Variants in NSD2 observed in about 807,000 individuals in gnomAD.
NSD2 encodes the protein histone-lysine N-methyltransferase NSD2.
NSD2 carries 12 observed loss-of-function variants against 139.0 expected under a neutral mutation model. That is an observed-to-expected ratio of 0.09 (90% CI 0.06 to 0.14). The LOEUF (loss-of-function observed/expected upper bound fraction) is 0.14. Ranked by LOEUF, NSD2 falls within the 10% of genes least tolerant of loss-of-function variation. The probability of loss-of-function intolerance (pLI) is 1.00; values close to 1 mark genes in which losing one functional copy is unlikely to be tolerated. For synonymous variants in NSD2, 669 were observed against 648.7 expected (o/e 1.03, Z -0.48); for missense variants, 1,155 against 1,745.0 (o/e 0.66, Z 6.02).
chr4:1,940,121 G>T, intron 9 of NSD2: 2 of 1,153,812 alleles, frequency 1.7e-6, no homozygotes, highest in Non-Finnish European at 2.1e-6. Context: ...AAGTAAGTCT[G>T]CGTTGGTTCT....
In NSD2 at chr4:1,979,896, A is replaced by C. The variant is rs1367650453; in HGVS notation, c.*987A>C. 4.3e-6 allele frequency: 1 copy of C among 232,672 alleles called. No homozygotes were observed. Among genetic ancestry groups the C allele is most frequent in the African/African-American group, 2.2e-5 (1 of 45,322 alleles). The allele number at this position is 232,672 out of a possible 1,614,324, so 14.4% of individuals were successfully genotyped here. A position where few individuals can be genotyped will look rare whatever the true frequency, so the allele number is the denominator to read the frequency against. ...GACCGCAGTCTGCTTAGAGCACAGG[A>C]AGTGACAACTTAGGGAGCCCCGTAG... On this transcript the variant is annotated 3_prime_UTR_variant, in exon 22 of 22. Coordinates refer to ENST00000508803, the MANE Select transcript of NSD2 (RefSeq NM_001042424.3).
intron 1 of NSD2, among the ~76,000 whole-genome samples, chr4:1,887,335 T>A (rs1715188602): frequency 2.0e-5 from 3 of 152,148 alleles, no homozygotes; most frequent in African/African-American, 4.8e-5. Context: ...TCTTTTTTTT[T>A]AAATCTCCCT....
intron 5 of NSD2, among the ~76,000 whole-genome samples, chr4:1,924,681 A>T (rs937628356): frequency 1.3e-5 from 2 of 151,438 alleles, no homozygotes; most frequent in African/African-American, 2.4e-5. Flanking sequence ...GAGGCCGAGG[A>T]GGGTAGGATG....
chr4:1,922,468 GT>G (rs1281865033), intron 5 of NSD2, among the ~76,000 whole-genome samples: 3 of 152,214 alleles, frequency 2.0e-5, no homozygotes, highest in Non-Finnish European at 4.4e-5. Flanking sequence ...AGCTTCTGAA[GT>G]TGTCAATTCT....
chr4:1,918,015 A>G, intron 4 of NSD2, 126 bp from the exon 5 acceptor site: 1 of 1,181,684 alleles, frequency 8.5e-7, no homozygotes, highest in Non-Finnish European at 1.2e-6. Flanking sequence ...TCCTGGCCTC[A>G]AGTGATCCAT....
chr4:1,906,899 G>A (rs569078569), intron 3 of NSD2, among the ~76,000 whole-genome samples: 1 of 151,994 alleles, frequency 6.6e-6, no homozygotes, highest in Admixed American at 6.6e-5. Context: ...GACCTCAAGT[G>A]ATCTGCCCAC....
At chr4:1,941,601 A>G in intron 9 of NSD2, 1 of 1,033,852 alleles carries the variant, frequency 9.7e-7, no homozygotes, top group South Asian at 4.6e-5. Flanking sequence ...AAATACATTT[A>G]TATAATACAT....
chr4:1,933,034 C>G (rs1239884330), intron 6 of NSD2, among the ~76,000 whole-genome samples: 1 of 152,248 alleles, frequency 6.6e-6, no homozygotes, highest in Non-Finnish European at 1.5e-5. Context: ...TGCTGCCGAG[C>G]ATTCCACGGG....
At chr4:1,877,801 A>G (rs1293274509) in intron 1 of NSD2, among the ~76,000 whole-genome samples, 1 of 151,858 alleles carries the variant, frequency 6.6e-6, no homozygotes, top group Non-Finnish European at 1.5e-5. Context: ...TGTGTGGCTT[A>G]CCCCTCACCC....
intron 3 of NSD2, among the ~76,000 whole-genome samples, chr4:1,905,223 A>T (rs914997067): frequency 1.3e-5 from 2 of 152,208 alleles, no homozygotes; most frequent in Non-Finnish European, 1.5e-5. Context: ...AGTAAAAGAT[A>T]ATGTGGTTTG....
At chr4:1,907,094 T>A (rs1240110703) in intron 3 of NSD2, among the ~76,000 whole-genome samples, 3 of 152,168 alleles carry the variant, frequency 2.0e-5, no homozygotes, top group Non-Finnish European at 4.4e-5. Flanking sequence ...CAGGGTCTAG[T>A]TAGCTGGCTG....
chr4:1,930,598 C>G (rs772944380), intron 5 of NSD2, 28 bp from the exon 6 acceptor site: 1 of 1,574,710 alleles, frequency 6.4e-7, no homozygotes, highest in African/African-American at 1.4e-5. Flanking sequence ...GATTTAACTT[C>G]TCATTGCACC....
rs768246858 is a variant in NSD2, at chr4:1,916,867, C to A, written c.761-4C>A. The A allele has an allele frequency of 3.4e-5, 54 of 1,588,154 alleles. No homozygotes were observed. The highest frequency in any genetic ancestry group is 4.4e-5 in the Non-Finnish European group (52 of 1,170,018). ...ATTCTCTAACATTTTATTTTAAAAA[C>A]TAGGTCAGAAAAAGAGTGCACGCCA... On this transcript the variant is annotated splice_polypyrimidine_tract_variant and splice_region_variant and intron_variant, in intron 3 of 21. Coordinates refer to ENST00000508803, the MANE Select transcript of NSD2 (RefSeq NM_001042424.3).
rs1560756098 is a variant in NSD2, at chr4:1,955,039, C to T, written c.2339-122C>T. 3 of 1,092,936 alleles carry T rather than the reference C, an allele frequency of 2.7e-6. No homozygotes were observed. Among genetic ancestry groups the T allele is most frequent in the Non-Finnish European group, 2.6e-6 (2 of 777,166 alleles). The allele number at this position is 1,092,936 out of a possible 1,614,324, so 67.7% of individuals were successfully genotyped here. ...CTGAAAGCTTTTTTTAAATCAAATA[C>T]CTCCATTTCATTTTAGCATTAACTT... On this transcript the variant is annotated intron_variant, in intron 12 of 21. Transcript: ENST00000508803. The surrounding 1 kb of genome is among the most constrained non-coding windows in gnomAD (Gnocchi z 4.7).
intron 6 of NSD2, among the ~76,000 whole-genome samples, chr4:1,933,593 A>T (rs1029401220): frequency 6.7e-6 from 1 of 150,258 alleles, no homozygotes; most frequent in Non-Finnish European, 1.5e-5. Context: ...ACGGGGTTTC[A>T]CTCTGTTAGC....
At chr4:1,893,453 AC>A (rs1715795889) in intron 1 of NSD2, among the ~76,000 whole-genome samples, 1 of 152,194 alleles carries the variant, frequency 6.6e-6, no homozygotes, top group African/African-American at 2.4e-5. Context: ...AGCCTGGGCG[AC>A]AGAGACTCCG....
chr4:1,973,144 C>T lies in NSD2; in HGVS notation c.3373-1719C>T, dbSNP rs1046637334. On this transcript the variant is annotated intron_variant, in intron 18 of 21. Coordinates refer to ENST00000508803, the MANE Select transcript of NSD2 (RefSeq NM_001042424.3). The surrounding 1 kb of genome is among the most constrained non-coding windows in gnomAD (Gnocchi z 5.5). ...ATAGGTGTGAGCCACCGCGCCCGGC[C>T]GACATATTGTTATAAAGGGGTCTGA... Among the ~76,000 whole-genome samples the T allele has an allele frequency of 6.6e-6, 1 of 152,092 alleles. No homozygotes were observed. Among genetic ancestry groups the T allele is most frequent in the Non-Finnish European group, 1.5e-5 (1 of 68,030 alleles).
At position 1,896,684 on chromosome 4, in the gene NSD2, T is replaced by C. The variant is rs1042067484; in HGVS notation, c.-29-3942T>C. On this transcript the variant is annotated intron_variant, in intron 1 of 21. Coordinates refer to ENST00000508803, the MANE Select transcript of NSD2 (RefSeq NM_001042424.3). ...GCCCGGCCTCCCTCCCTCCCTCCCT[T>C]CCTTCCCGAACTCTTCCATTCCTCT... Among the ~76,000 whole-genome samples, 53 of 146,206 alleles carry C rather than the reference T, an allele frequency of 3.6e-4. 1 individual carries two copies. Among genetic ancestry groups the C allele is most frequent in the Admixed American group, 4.7e-4 (7 of 14,912 alleles).
At chr4:1,957,192 G>A (rs1013362039) in intron 15 of NSD2, among the ~76,000 whole-genome samples, 2 of 152,094 alleles carry the variant, frequency 1.3e-5, no homozygotes, top group African/African-American at 2.4e-5. Context: ...GGATTGTAGG[G>A]GTGTGTGTTT....
Sources: gnomAD v4.1 joint callset for allele counts (sites outside exome capture counted in the v4.1 genomes callset) on GRCh38, gnomAD v4.1.1 for gene constraint, Gnocchi (gnomAD v3.1) non-coding constraint, MANE v1.5 for transcripts, NCBI Gene and HGNC (gene_info 2026-07-23, HGNC 2026-07-21) for gene names.